GLDC: variants seen among roughly 807,000 people sequenced by gnomAD.
GLDC encodes glycine decarboxylase.
A neutral mutation model predicts 121.3 loss-of-function variants in GLDC; 104 were observed. The observed-to-expected ratio is 0.86, with a 90% CI of 0.73 to 1.01. The LOEUF is 1.01. Ranked by LOEUF, GLDC falls within the 50% of genes least tolerant of loss-of-function variation. The pLI is 0.00. For synonymous variants in GLDC, 546 were observed against 480.6 expected (o/e 1.14, Z -1.78); for missense variants, 1,429 against 1,306.6 (o/e 1.09, Z -1.44).
chr9:6,594,924 C>T, intron 9 of GLDC, 90 bp downstream of exon 9: 1 of 813,186 alleles, frequency 1.2e-6, no homozygotes. Context: ...TTTAATTTTG[C>T]ATATAGTATT....
chr9:6,558,632 A>C lies in GLDC; in HGVS notation c.1979T>G (p.Met660Arg), dbSNP rs764727442. Residue 660 changes from methionine (M) to arginine (R), a missense_variant, in exon 17 of 25, where the codon ATG becomes AGG. Coordinates refer to ENST00000321612, the MANE Select transcript of GLDC (RefSeq NM_000170.3). The part of the protein sequence containing the change: ...AHGTNPASAH[M>R]AGMKIQPVEV... ...CACAGGCTGAATCTTCATGCCTGCC[A>C]TGTGGGCACTTGCTGGGTTGGTCCC... The C allele has an allele frequency of 6.2e-7, 1 of 1,613,906 alleles. No individual in the cohort carries two copies. The highest frequency in any genetic ancestry group is 8.5e-7 in the Non-Finnish European group (1 of 1,179,746).
chr9:6,561,042 C>G (rs867599049), intron 16 of GLDC, among the ~76,000 whole-genome samples: 28 of 152,216 alleles, frequency 1.8e-4, no homozygotes, highest in African/African-American at 6.5e-4. Flanking sequence ...CAGATTCTCC[C>G]CTGTCTCCCC....
rs1035027401 is a variant in GLDC at position 6,604,603 on chromosome 9, A to G, written c.1043T>C (p.Met348Thr). The change falls in exon 7 of 25, where the codon ATG becomes ACG. Residue 348 changes from methionine (M) to threonine (T), a missense_variant. Coordinates refer to ENST00000321612, the MANE Select transcript of GLDC (RefSeq NM_000170.3). Reference protein sequence around the residue: ...ESLVRMMPGRMVGVTRDATGK... With the variant: ...ESLVRMMPGRTVGVTRDATGK... The stretch of plus-strand genomic sequence containing the variant: ...GCCCCTTTACCTTGTTACCCCCACC[A>G]TTCTTCCAGGCATCATTCTCACCAA... 6 of 1,612,320 alleles carry G rather than the reference A, an allele frequency of 3.7e-6. No homozygotes were observed. Among genetic ancestry groups the G allele is most frequent in the Non-Finnish European group, 5.1e-6 (6 of 1,179,794 alleles).
chr9:6,540,895 G>T (rs1381537096), intron 21 of GLDC: 1 of 152,374 alleles, frequency 6.6e-6, no homozygotes, highest in Non-Finnish European at 1.5e-5. Context: ...AGTGACTCAT[G>T]CTGGTAATCC....
intron 21 of GLDC, among the ~76,000 whole-genome samples, chr9:6,543,641 T>C (rs1817321631): frequency 6.6e-6 from 1 of 152,192 alleles, no homozygotes; most frequent in South Asian, 2.1e-4. Context: ...AGCATCTCTC[T>C]CCATCTCTAT....
chr9:6,532,722 C>G lies in GLDC; in HGVS notation c.*295G>C. 1 of 399,252 alleles carries G rather than the reference C, an allele frequency of 2.5e-6. No homozygotes were observed. Among genetic ancestry groups the G allele is most frequent in the Non-Finnish European group, 4.7e-6 (1 of 211,832 alleles). The allele number at this position is 399,252 out of a possible 1,614,324, so 24.7% of individuals were successfully genotyped here. ...GGATAGCCTCTATGACATCTGCAAACTTGCCACATTAAAAGTTAAAGTTCC... is the reference window on the plus strand; with the variant it reads ...GGATAGCCTCTATGACATCTGCAAAGTTGCCACATTAAAAGTTAAAGTTCC... On this transcript the variant is annotated 3_prime_UTR_variant, in exon 25 of 25. Coordinates refer to ENST00000321612, the MANE Select transcript of GLDC (RefSeq NM_000170.3).
In GLDC at chr9:6,639,668, A is replaced by AAAAAAAAAATATATATATATATATATAT; in HGVS notation, c.334+4945_334+4946insATATATATATATATATATATTTTTTTTT. Reference sequence around the variant, plus strand: ...ATATATCTTTTCACCATAAAAAAAAAGTATATATATATATATATATGGACA... The same window carrying AAAAAAAAAATATATATATATATATATAT: ...ATATATCTTTTCACCATAAAAAAAAAAAAAAAAAATATATATATATATATATATGTATATATATATATATATATGGACA... On this transcript the variant is annotated intron_variant, in intron 2 of 24. Transcript: ENST00000321612. 1.6e-5 allele frequency: 4 copies of AAAAAAAAAATATATATATATATATATAT among 244,918 alleles called. No individual in the cohort carries two copies. The African/African-American group carries it at 2.1e-4, about 13-fold the overall frequency. The allele number at this position is 244,918 out of a possible 1,614,324, so 15.2% of individuals were successfully genotyped here.
chr9:6,547,442 T>C (rs757119144), intron 21 of GLDC, among the ~76,000 whole-genome samples: 44 of 152,158 alleles, frequency 2.9e-4, no homozygotes, highest in Non-Finnish European at 4.7e-4. Context: ...CATGATATAT[T>C]GTTTACTTGT....
chr9:6,635,590 G>A (rs892228709), intron 2 of GLDC, among the ~76,000 whole-genome samples: 1 of 152,002 alleles, frequency 6.6e-6, no homozygotes, highest in Non-Finnish European at 1.5e-5. Context: ...ATAATAATAG[G>A]ATCTGGGTGT....
Position 6,645,420 on chromosome 9 carries a change from C to A in GLDC, c.80G>T (p.Gly27Val). The stretch of plus-strand genomic sequence containing the variant: ...CCGGCTCCGCGGCGCCCAGCACGGC[C>A]CCGATCCCCCAGCCAGGCGGCGGCC... ...GGGRRLAGGS[G>V]PCWAPRSRDS... is the part of the protein sequence containing the mutation. The change falls in exon 1 of 25, where the codon GGG (glycine) becomes GTG (valine). Residue 27 changes from glycine (G) to valine (V), a missense_variant. Coordinates refer to ENST00000321612, the MANE Select transcript of GLDC (RefSeq NM_000170.3). 1 of 1,339,380 alleles carries A rather than the reference C, an allele frequency of 7.5e-7. No homozygotes were observed. The highest frequency in any genetic ancestry group is 2.2e-5 in the South Asian group (1 of 45,766). 83.0% of individuals were successfully genotyped at this position (1,339,380 alleles called of 1,614,324 possible).
At chr9:6,574,962 C>G (rs915781907) in intron 15 of GLDC, among the ~76,000 whole-genome samples, 20 of 152,152 alleles carry the variant, frequency 1.3e-4, no homozygotes, top group African/African-American at 4.8e-4. Flanking sequence ...CTAAACCTTT[C>G]TCTTTGGTGT....
At position 6,639,531 on chromosome 9, in the gene GLDC, G is replaced by C. The variant is rs552940327; in HGVS notation, c.334+5083C>G. On this transcript the variant is annotated intron_variant, in intron 2 of 24. Coordinates refer to ENST00000321612, the MANE Select transcript of GLDC (RefSeq NM_000170.3). Reference sequence around the variant, plus strand: ...CAAGGGCAACACCCTGATTCGGCCTGATGGAGAGAAGAAGGTATATGTTCG... The same window carrying C: ...CAAGGGCAACACCCTGATTCGGCCTCATGGAGAGAAGAAGGTATATGTTCG... 979 of 796,334 alleles carry C rather than the reference G, an allele frequency of 1.2e-3. 5 individuals carry two copies. Among genetic ancestry groups the C allele is most frequent in the Non-Finnish European group, 1.3e-3 (595 of 448,314 alleles). 49.3% of individuals were successfully genotyped at this position (796,334 alleles called of 1,614,324 possible).
chr9:6,618,990 A>G (rs1819022657), intron 3 of GLDC, among the ~76,000 whole-genome samples: 1 of 151,786 alleles, frequency 6.6e-6, no homozygotes, highest in South Asian at 2.1e-4. Context: ...AAAAATGCAA[A>G]AAATTACCCA....
At chr9:6,643,576 G>C (rs146689610) in intron 2 of GLDC, among the ~76,000 whole-genome samples, 50 of 151,526 alleles carry the variant, frequency 3.3e-4, no homozygotes, top group African/African-American at 1.2e-3. Context: ...CTTATGGATT[G>C]TCCCCCCACC....
chr9:6,642,849 C>T (rs1819655696), intron 2 of GLDC, among the ~76,000 whole-genome samples: 1 of 152,128 alleles, frequency 6.6e-6, no homozygotes, highest in African/African-American at 2.4e-5. Context: ...ATACACAACT[C>T]TTCACTCTTC....
At position 6,576,564 on chromosome 9, in the gene GLDC, T is replaced by C. The variant is rs1158856817; in HGVS notation, c.1850+10577A>G. ...TCACTGCAACCTCTGCCTCCCAGGT[T>C]CAAGCAATTGTCCTGCCTCAGCCTC... is the stretch of plus-strand genomic sequence containing the variant. On this transcript the variant is annotated intron_variant, in intron 15 of 24. Transcript: ENST00000321612. Among the ~76,000 whole-genome samples the C allele has an allele frequency of 2.6e-5, 4 of 152,162 alleles. No homozygotes were observed. In the East Asian group the frequency reaches 7.7e-4, roughly 29 times the overall value.
chr9:6,535,978 G>C (rs1817118274), intron 23 of GLDC, 86 bp downstream of exon 23: 7 of 1,108,570 alleles, frequency 6.3e-6, no homozygotes, highest in Non-Finnish European at 9.7e-6. Context: ...ATCCTCAGTT[G>C]AGAGTTCGGG....
At chr9:6,597,714 A>G (rs923789214) in intron 8 of GLDC, among the ~76,000 whole-genome samples, 27 of 152,218 alleles carry the variant, frequency 1.8e-4, no homozygotes, top group Admixed American at 1.2e-3. Context: ...AGGCAGGTGG[A>G]TCATGAGGTC....
chr9:6,539,641 AACT>A (rs1185651970), intron 22 of GLDC, among the ~76,000 whole-genome samples: 1 of 152,180 alleles, frequency 6.6e-6, no homozygotes, highest in African/African-American at 2.4e-5. Context: ...TCTTTGTGAA[AACT>A]ACTACACTTA....
Sources: gnomAD v4.1 joint callset for allele counts (sites outside exome capture counted in the v4.1 genomes callset) on GRCh38, gnomAD v4.1.1 for gene constraint, MANE v1.5 for transcripts, NCBI Gene and HGNC (gene_info 2026-07-23, HGNC 2026-07-21) for gene names.